The following FAM161B variants were observed in gnomAD, a reference collection of about 807,000 sequenced individuals.
The protein encoded by FAM161B is FAM161 centrosomal protein B, also known as protein FAM161B.
In FAM161B, 46 loss-of-function variants were observed where a neutral mutation model predicts 61.5. The ratio of observed to expected loss-of-function variants is 0.75; its 90% CI spans 0.59 to 0.96. The LOEUF is 0.96. FAM161B is among the 40% of genes least tolerant of loss of function. The pLI is 0.00. For missense variants in FAM161B, 774 were observed against 800.7 expected, an observed-to-expected ratio of 0.97 and a Z score of 0.40; for synonymous variants, 284 against 302.7, an observed-to-expected ratio of 0.94 and a Z score of 0.64.
chr14:73,941,382 A>C (rs1662479305), intron 4 of FAM161B, among the ~76,000 whole-genome samples: 1 of 152,106 alleles, frequency 6.6e-6, no homozygotes, highest in African/African-American at 2.4e-5. Flanking sequence ...TCGGCCTCCC[A>C]AAGTGCTGGG....
chr14:73,934,522 A>T (rs1435196452), intron 8 of FAM161B, 128 bp from the exon 9 acceptor site: 2 of 806,922 alleles, frequency 2.5e-6, no homozygotes, highest in African/African-American at 3.6e-5. Flanking sequence ...CAGCTGAAGC[A>T]ACCCTCCCAC....
At chr14:73,934,752 AAAG>A (rs2055957032) in intron 8 of FAM161B, among the ~76,000 whole-genome samples, 1 of 152,064 alleles carries the variant, frequency 6.6e-6, no homozygotes, top group Non-Finnish European at 1.5e-5. Context: ...CAGTCTGAAA[AAAG>A]AAAGTCTTAA....
chr14:73,943,970 A>G (rs1025810590), intron 3 of FAM161B, among the ~76,000 whole-genome samples: 6 of 152,320 alleles, frequency 3.9e-5, no homozygotes, highest in Admixed American at 3.9e-4. Context: ...CGAAGGAGCC[A>G]TGGGGGAGCA....
downstream of FAM161B, among the ~76,000 whole-genome samples, chr14:73,926,589 C>A (rs2055836844): frequency 6.6e-6 from 1 of 152,046 alleles, no homozygotes; most frequent in South Asian, 2.1e-4. Flanking sequence ...CACCTGCCAC[C>A]AAGCCCCACT....
Position 73,941,058 on chromosome 14 carries a change from A to G in FAM161B, c.1273-5T>C. On this transcript the variant is annotated splice_polypyrimidine_tract_variant and splice_region_variant and intron_variant, in intron 4 of 8. Transcript: ENST00000286544. The stretch of plus-strand genomic sequence containing the variant: ...AGCTGGTGGCTGTGGGGAATCCTAG[A>G]AGAAACAAAGGTTGGTATTGGTGGG... The G allele has an allele frequency of 1.9e-6, 3 of 1,609,344 alleles. No individual in the cohort carries two copies. The highest frequency in any genetic ancestry group is 1.7e-6 in the Non-Finnish European group (2 of 1,177,692).
Position 73,944,316 on chromosome 14 carries a change from G to A in FAM161B, c.925+19C>T. ...GTTCCCCGAGGCAGGAGGCAGCAAG[G>A]TGGCAAGGATGTCTTTACCCTGGAG... On this transcript the variant is annotated intron_variant, in intron 3 of 8. Transcript: ENST00000286544. The A allele has an allele frequency of 1.9e-6, 3 of 1,551,674 alleles. No homozygotes were observed. Among genetic ancestry groups the A allele is most frequent in the South Asian group, 1.2e-5 (1 of 82,140 alleles).
chr14:73,931,475 T>C, downstream of FAM161B: 1 of 1,597,434 alleles, frequency 6.3e-7, no homozygotes, highest in Non-Finnish European at 8.6e-7. Flanking sequence ...CTGTAACCTA[T>C]TCTAGATTTG....
downstream of FAM161B, among the ~76,000 whole-genome samples, chr14:73,930,793 GC>G (rs1420481449): frequency 2.0e-5 from 3 of 152,036 alleles, no homozygotes; most frequent in Non-Finnish European, 4.4e-5. Flanking sequence ...TAGAGACAGG[GC>G]CTCACTGTGT....
downstream of FAM161B, among the ~76,000 whole-genome samples, chr14:73,927,463 G>A (rs1008018707): frequency 1.3e-5 from 2 of 152,078 alleles, no homozygotes; most frequent in Non-Finnish European, 2.9e-5. Flanking sequence ...AAACCATCTC[G>A]TTTTTCTTTT....
chr14:73,944,291 G>A lies in FAM161B; in HGVS notation c.925+44C>T, dbSNP rs146323117. ...TGACTAAATCCCTATGGTGGGATTG[G>A]TTCCCCGAGGCAGGAGGCAGCAAGG... is the stretch of plus-strand genomic sequence containing the variant. On this transcript the variant is annotated intron_variant, in intron 3 of 8. Coordinates refer to ENST00000286544, the MANE Select transcript of FAM161B (RefSeq NM_152445.3). 2,764 of 1,533,844 alleles carry A rather than the reference G, an allele frequency of 1.8e-3. 35 individuals are homozygous for A. Among genetic ancestry groups the A allele is most frequent in the Middle Eastern group, 1.8e-3 (10 of 5,562 alleles).
rs1350447446 is a variant in FAM161B at position 73,932,892 on chromosome 14, G to C, written c.*1364C>G. On this transcript the variant is annotated 3_prime_UTR_variant, in exon 9 of 9. Coordinates refer to ENST00000286544, the MANE Select transcript of FAM161B (RefSeq NM_152445.3). ...TCCTGCCTTGGCCCCTCAAAGTGCT[G>C]GGATTACAAGCATGAACCACTGCAC... is the stretch of plus-strand genomic sequence containing the variant. 5 of 157,564 alleles carry C rather than the reference G, an allele frequency of 3.2e-5. No individual in the cohort carries two copies. Among genetic ancestry groups the C allele is most frequent in the Non-Finnish European group, 7.0e-5 (5 of 71,454 alleles). The allele number at this position is 157,564 out of a possible 1,614,324, so 9.8% of individuals were successfully genotyped here.
At position 73,950,054 on chromosome 14, in the gene FAM161B, G is replaced by C. The variant is rs937641901; in HGVS notation, c.-28C>G. ...CAGCTGGACAGAGGCAGCAGCGACAGTGACAGCGATAGTGGCAGCAGCGGT... is the reference window on the plus strand; with the variant it reads ...CAGCTGGACAGAGGCAGCAGCGACACTGACAGCGATAGTGGCAGCAGCGGT... On this transcript the variant is annotated 5_prime_UTR_variant, in exon 1 of 9. Transcript: ENST00000286544. 6 of 1,610,430 alleles carry C rather than the reference G, an allele frequency of 3.7e-6. No homozygotes were observed. The highest frequency in any genetic ancestry group is 2.2e-5 in the East Asian group (1 of 44,888).
rs1440717612 is a variant in FAM161B, at chr14:73,935,972, C to G, written c.1782G>C (p.Glu594Asp). 1 of 1,610,740 alleles carries G rather than the reference C, an allele frequency of 6.2e-7. No individual in the cohort carries two copies. Among genetic ancestry groups the G allele is most frequent in the African/African-American group, 1.3e-5 (1 of 74,834 alleles). ...GQGTRAVQEK[E>D]TKIKDFPRFQ... is the part of the protein sequence containing the mutation. ...ACCTGGGAAAATCCTTGATTTTGGTCTCTTTCTCTTGAACAGCCCGGGTGC... is the reference window on the plus strand; with the variant it reads ...ACCTGGGAAAATCCTTGATTTTGGTGTCTTTCTCTTGAACAGCCCGGGTGC... Residue 594 changes from glutamate (E) to aspartate (D), a missense_variant, in exon 8 of 9, where the codon GAG becomes GAC. Transcript: ENST00000286544.
At chr14:73,935,061 CAAAA>C (rs201792571) in intron 8 of FAM161B, among the ~76,000 whole-genome samples, 6 of 94,188 alleles carry the variant, frequency 6.4e-5, no homozygotes, top group African/African-American at 1.7e-4. Flanking sequence ...GACTCCGTCT[CAAAA>C]AAAAAAGTCT....
Position 73,932,455 on chromosome 14 carries a change from C to T in FAM161B, c.*1801G>A. 2 of 454,040 alleles carry T rather than the reference C, an allele frequency of 4.4e-6. No individual in the cohort carries two copies. Among genetic ancestry groups the T allele is most frequent in the Non-Finnish European group, 8.8e-6 (2 of 226,638 alleles). 28.1% of individuals were successfully genotyped at this position (454,040 alleles called of 1,614,324 possible). A position where few individuals can be genotyped will look rare whatever the true frequency, so the allele number is the denominator to read the frequency against. ...TTCTTAAGCCCAGGTGATAGTTACT[C>T]TGTCACCACCAAAAAAGACGCATCT... On this transcript the variant is annotated 3_prime_UTR_variant, in exon 9 of 9. Transcript: ENST00000286544.
rs1483518386 is a variant in FAM161B, at chr14:73,941,306, C to T, written c.1273-253G>A. On this transcript the variant is annotated intron_variant, in intron 4 of 8. Coordinates refer to ENST00000286544, the MANE Select transcript of FAM161B (RefSeq NM_152445.3). ...CAGCTACATTTTTGCAGTTTTAGTACAGACGGGGTTTCACCATGTTGGTCA... is the reference window on the plus strand; with the variant it reads ...CAGCTACATTTTTGCAGTTTTAGTATAGACGGGGTTTCACCATGTTGGTCA... Among the ~76,000 whole-genome samples the T allele has an allele frequency of 9.9e-5, 15 of 152,022 alleles. No individual in the cohort carries two copies. In the East Asian group the frequency reaches 1.9e-3, roughly 20 times the overall value.
At chr14:73,924,725 G>A in the FAM161B span, 1 of 439,774 alleles carries the variant, frequency 2.3e-6, no homozygotes, top group Non-Finnish European at 4.5e-6. Flanking sequence ...TGCCCAGGCT[G>A]GAGTGCAGTG....
intron 2 of FAM161B, among the ~76,000 whole-genome samples, chr14:73,945,237 A>G (rs2056056451): frequency 6.6e-6 from 1 of 152,170 alleles, no homozygotes; most frequent in Non-Finnish European, 1.5e-5. Context: ...TCCTATGTAG[A>G]GTGGCAAAAA....
chr14:73,941,692 G>A (rs1056606273), intron 4 of FAM161B, among the ~76,000 whole-genome samples: 35 of 152,046 alleles, frequency 2.3e-4, no homozygotes, highest in African/African-American at 7.2e-4. Context: ...GAAAAGAAGT[G>A]TCCCTATGGT....
Sources: allele counts gnomAD v4.1 joint callset (sites outside exome capture counted in the v4.1 genomes callset), GRCh38; gene constraint gnomAD v4.1.1; transcripts MANE v1.5; gene names NCBI Gene and HGNC (gene_info 2026-07-23, HGNC 2026-07-21).